RANBP2: variants seen among roughly 807,000 people sequenced by gnomAD.
RANBP2 encodes the protein E3 SUMO-protein ligase RanBP2.
In RANBP2, 57 loss-of-function variants were observed where a neutral mutation model predicts 303.6. That is an observed-to-expected ratio of 0.19 (90% CI 0.15 to 0.23). The LOEUF (loss-of-function observed/expected upper bound fraction) is 0.23, where lower values mean the gene tolerates loss of function less well. Ranked by LOEUF, RANBP2 falls within the 10% of genes least tolerant of loss-of-function variation. RANBP2 has a pLI of 1.00. For synonymous variants in RANBP2, 1,167 were observed against 1,301.5 expected, an observed-to-expected ratio of 0.90 and a Z score of 2.23; for missense variants, 3,138 against 3,780.8, an observed-to-expected ratio of 0.83 and a Z score of 4.46.
the RANBP2 span, among the ~76,000 whole-genome samples, chr2:109,369,668 G>A: frequency 2.4e-3 from 362 of 152,306 alleles, no homozygotes; most frequent in African/African-American, 8.4e-3. Context: ...GTTTGGAAGA[G>A]GCATGGGAGG....
the RANBP2 span, among the ~76,000 whole-genome samples, chr2:109,607,667 G>A: frequency 6.6e-6 from 1 of 151,884 alleles, no homozygotes; most frequent in Non-Finnish European, 1.5e-5. Context: ...CTCCTGAGGG[G>A]GTAATAATGA....
At chr2:109,423,389 C>T in the RANBP2 span, among the ~76,000 whole-genome samples, 4 of 152,136 alleles carry the variant, frequency 2.6e-5, no homozygotes, top group East Asian at 3.9e-4. Flanking sequence ...CTCATGACCC[C>T]GCTGCCATTT....
chr2:109,061,951 C>T, the RANBP2 span, among the ~76,000 whole-genome samples: 1 of 152,096 alleles, frequency 6.6e-6, no homozygotes, highest in Non-Finnish European at 1.5e-5. Flanking sequence ...ATGTCTTGTC[C>T]CTGAGCCTAC....
At chr2:108,940,680 G>A in the RANBP2 span, among the ~76,000 whole-genome samples, 1 of 152,250 alleles carries the variant, frequency 6.6e-6, no homozygotes, top group East Asian at 1.9e-4. Context: ...CAAAGACCAA[G>A]CGCAATTACA....
chr2:109,383,542 G>T, the RANBP2 span, among the ~76,000 whole-genome samples: 1 of 152,316 alleles, frequency 6.6e-6, no homozygotes. Flanking sequence ...TGGATAGGGT[G>T]CAGGCTTCTG....
chr2:109,269,738 C>A, the RANBP2 span, among the ~76,000 whole-genome samples: 1 of 152,212 alleles, frequency 6.6e-6, no homozygotes, highest in South Asian at 2.1e-4. Flanking sequence ...GAGATCGTGC[C>A]ACTGCACTCC....
the RANBP2 span, among the ~76,000 whole-genome samples, chr2:109,171,995 C>A: frequency 6.6e-6 from 1 of 152,218 alleles, no homozygotes; most frequent in Non-Finnish European, 1.5e-5. Flanking sequence ...CTGAGTCGCC[C>A]GTTTCCCAAT....
At chr2:109,597,490 A>C in the RANBP2 span, among the ~76,000 whole-genome samples, 5 of 152,342 alleles carry the variant, frequency 3.3e-5, no homozygotes, top group South Asian at 1.0e-3. Context: ...TGTCTCAGAG[A>C]AACATGAATG....
chr2:109,128,755 G>A, the RANBP2 span: 2 of 184,576 alleles, frequency 1.1e-5, no homozygotes, highest in African/African-American at 4.8e-5. Flanking sequence ...TCGCAGCAGC[G>A]TTGGCAGGAA....
the RANBP2 span, among the ~76,000 whole-genome samples, chr2:109,126,942 A>C: frequency 2.6e-5 from 4 of 152,176 alleles, no homozygotes; most frequent in Non-Finnish European, 4.4e-5. Flanking sequence ...TCTTGGATCA[A>C]GCATCCTGGG....
At chr2:109,423,253 C>T in the RANBP2 span, among the ~76,000 whole-genome samples, 1 of 152,150 alleles carries the variant, frequency 6.6e-6, no homozygotes, top group Non-Finnish European at 1.5e-5. Context: ...CAGCGGTTTT[C>T]ATCCTCCCCT....
At chr2:109,584,096 T>C in the RANBP2 span, among the ~76,000 whole-genome samples, 5 of 152,124 alleles carry the variant, frequency 3.3e-5, no homozygotes, top group Non-Finnish European at 7.3e-5. Flanking sequence ...CATCACACAA[T>C]ATACCCATGT....
At chr2:109,425,288 A>G in the RANBP2 span, among the ~76,000 whole-genome samples, 3 of 152,390 alleles carry the variant, frequency 2.0e-5, no homozygotes, top group South Asian at 2.1e-4. Context: ...AGTACAAGGT[A>G]AAGCAGCAAG....
the RANBP2 span, among the ~76,000 whole-genome samples, chr2:109,149,120 G>A: frequency 9.9e-5 from 15 of 152,186 alleles, no homozygotes; most frequent in Admixed American, 9.8e-4. Context: ...CTGGGAAGGA[G>A]CAGGGAGCCA....
At chr2:108,972,606 A>G in the RANBP2 span, among the ~76,000 whole-genome samples, 1 of 152,258 alleles carries the variant, frequency 6.6e-6, no homozygotes, top group Non-Finnish European at 1.5e-5. Flanking sequence ...GTGTTGGTAA[A>G]ACAAGTGTCT....
the RANBP2 span, among the ~76,000 whole-genome samples, chr2:109,479,931 C>T: frequency 1.8e-3 from 267 of 152,210 alleles, 2 homozygotes; most frequent in East Asian, 0.045. Context: ...CAGCCCAGCC[C>T]GGTTTTGCTG....
chr2:109,667,037 T>C, the RANBP2 span: 11 of 529,926 alleles, frequency 2.1e-5, no homozygotes, highest in African/African-American at 1.0e-4. Context: ...ACTGATCTTA[T>C]GGAAAAGTCA....
At chr2:109,273,321 C>G in the RANBP2 span, among the ~76,000 whole-genome samples, 2 of 152,220 alleles carry the variant, frequency 1.3e-5, no homozygotes, top group Admixed American at 1.3e-4. Context: ...TCTTCCTGAG[C>G]TTGTCTGGAA....
At chr2:109,743,603 G>T in the RANBP2 span, among the ~76,000 whole-genome samples, 2 of 137,780 alleles carry the variant, frequency 1.5e-5, no homozygotes, top group Non-Finnish European at 3.2e-5. Flanking sequence ...AATATACAAA[G>T]AACTCTTTTT....
Sources: gnomAD v4.1 joint callset for allele counts (sites outside exome capture counted in the v4.1 genomes callset) on GRCh38, gnomAD v4.1.1 for gene constraint, MANE v1.5 for transcripts, NCBI Gene and HGNC (gene_info 2026-07-23, HGNC 2026-07-21) for gene names.